Variants in AGMO observed in about 807,000 individuals in gnomAD.
AGMO encodes glyceryl-ether monooxygenase.
Under a neutral mutation model 60.2 loss-of-function variants are expected in AGMO, and 75 were observed. The ratio of observed to expected loss-of-function variants is 1.25; its 90% confidence interval spans 1.03 to 1.51. The LOEUF is 1.51. AGMO is among the 40% of genes most tolerant of loss of function. The probability of loss-of-function intolerance (pLI) is 0.00; values close to 1 mark genes in which losing one functional copy is unlikely to be tolerated. For synonymous variants in AGMO, 261 were observed against 177.1 expected (o/e 1.47, Z -3.76); for missense variants, 763 against 525.5 (o/e 1.45, Z -4.42).
chr7:15,336,612 T>A (rs532857334), intron 12 of AGMO, among the ~76,000 whole-genome samples: 1 of 152,092 alleles, frequency 6.6e-6, no homozygotes, highest in Non-Finnish European at 1.5e-5. Context: ...TGCCACCGAA[T>A]ATATTAATCA....
intron 12 of AGMO, among the ~76,000 whole-genome samples, chr7:15,330,752 T>TG (rs1653591177): frequency 6.6e-6 from 1 of 152,300 alleles, no homozygotes; most frequent in Non-Finnish European, 1.5e-5. Context: ...TATGCAGGTC[T>TG]GGGCTTGCTA....
chr7:15,229,338 G>A (rs1018637613), intron 12 of AGMO, among the ~76,000 whole-genome samples: 1 of 151,662 alleles, frequency 6.6e-6, no homozygotes, highest in Admixed American at 6.6e-5. Context: ...TACTACTAGG[G>A]ATAATATATT....
chr7:15,395,498 TATA>T (rs533945871), intron 5 of AGMO, among the ~76,000 whole-genome samples: 47 of 152,266 alleles, frequency 3.1e-4, no homozygotes, highest in Middle Eastern at 3.4e-3. Flanking sequence ...CATTGGGAGT[TATA>T]ATAACATTGT....
intron 12 of AGMO, among the ~76,000 whole-genome samples, chr7:15,318,423 A>G (rs1781006926): frequency 1.3e-5 from 2 of 152,136 alleles, no homozygotes; most frequent in Admixed American, 6.5e-5. Context: ...ACAGTGTATC[A>G]CTCAAAATGG....
At chr7:15,397,599 CCTT>C (rs1201465006) in intron 5 of AGMO, among the ~76,000 whole-genome samples, 1 of 152,218 alleles carries the variant, frequency 6.6e-6, no homozygotes, top group Admixed American at 6.5e-5. Context: ...TTTCTTCATT[CCTT>C]CTTCCTTTTC....
intron 12 of AGMO, among the ~76,000 whole-genome samples, chr7:15,328,754 AAG>A (rs1781419128): frequency 6.6e-6 from 1 of 152,220 alleles, no homozygotes; most frequent in Non-Finnish European, 1.5e-5. Flanking sequence ...ACCAATTTCC[AAG>A]AGTTTCCCAT....
intron 12 of AGMO, among the ~76,000 whole-genome samples, chr7:15,226,711 T>C (rs918820786): frequency 3.9e-5 from 6 of 152,116 alleles, no homozygotes; most frequent in African/African-American, 1.2e-4. Flanking sequence ...GCAAATCATT[T>C]TGGCACCCAA....
At chr7:15,120,863 G>T in the AGMO span, among the ~76,000 whole-genome samples, 1 of 151,906 alleles carries the variant, frequency 6.6e-6, no homozygotes, top group East Asian at 1.9e-4. Context: ...GTGCAGGTTT[G>T]TTACACAAGT....
chr7:15,495,385 T>C (rs556957033), intron 3 of AGMO, among the ~76,000 whole-genome samples: 1 of 152,302 alleles, frequency 6.6e-6, no homozygotes, highest in Non-Finnish European at 1.5e-5. Flanking sequence ...ATTCAGTCCA[T>C]GTGTTTCTGA....
chr7:15,192,349 G>A, the AGMO span, among the ~76,000 whole-genome samples: 1 of 152,106 alleles, frequency 6.6e-6, no homozygotes. Flanking sequence ...GCATGGCAGA[G>A]AAGGAGAGAA....
chr7:15,118,766 T>C, the AGMO span, among the ~76,000 whole-genome samples: 1 of 151,952 alleles, frequency 6.6e-6, no homozygotes, highest in Admixed American at 6.6e-5. Flanking sequence ...AACCCTGGTT[T>C]TCCATTAGTA....
At chr7:15,364,817 A>G (rs928713251) in intron 12 of AGMO, among the ~76,000 whole-genome samples, 1 of 152,102 alleles carries the variant, frequency 6.6e-6, no homozygotes, top group Non-Finnish European at 1.5e-5. Flanking sequence ...ATGCTTAAAT[A>G]AAGTTATACA....
intron 5 of AGMO, among the ~76,000 whole-genome samples, chr7:15,414,056 G>T (rs1226973600): frequency 6.6e-6 from 1 of 151,982 alleles, no homozygotes; most frequent in Non-Finnish European, 1.5e-5. Context: ...CACCCAGGCT[G>T]GAGTGCAGTG....
the AGMO span, among the ~76,000 whole-genome samples, chr7:15,129,616 G>GAATACAAACA: frequency 9.2e-4 from 140 of 152,174 alleles, no homozygotes; most frequent in African/African-American, 3.2e-3. Flanking sequence ...GCTCTCCTAG[G>GAATACAAACA]AATACAAACA....
chr7:15,426,981 A>T (rs900769785), intron 4 of AGMO, among the ~76,000 whole-genome samples: 38 of 152,162 alleles, frequency 2.5e-4, no homozygotes, highest in African/African-American at 9.2e-4. Flanking sequence ...AGTCTATTAT[A>T]TTCCTTTCTC....
chr7:15,292,883 G>A (rs930027844), intron 12 of AGMO, among the ~76,000 whole-genome samples: 6 of 148,408 alleles, frequency 4.0e-5, no homozygotes, highest in Non-Finnish European at 7.4e-5. Flanking sequence ...TCAACCTACC[G>A]AGTAGCTGGG....
chr7:15,348,003 C>T (rs1178602169), intron 12 of AGMO, among the ~76,000 whole-genome samples: 1 of 152,036 alleles, frequency 6.6e-6, no homozygotes, highest in East Asian at 1.9e-4. Context: ...AGCTCTTGAT[C>T]TCAAAGACAT....
intron 12 of AGMO, among the ~76,000 whole-genome samples, chr7:15,364,519 A>G (rs935973133): frequency 6.6e-6 from 1 of 152,018 alleles, no homozygotes; most frequent in African/African-American, 2.4e-5. Context: ...ATAGTCCTCC[A>G]TTCATGGCCT....
intron 5 of AGMO, among the ~76,000 whole-genome samples, chr7:15,408,787 G>A (rs574120011): frequency 6.6e-6 from 1 of 151,884 alleles, no homozygotes; most frequent in East Asian, 1.9e-4. Flanking sequence ...ACTTTGAGTG[G>A]GGACCATGGG....
Sources: allele counts gnomAD v4.1 joint callset (sites outside exome capture counted in the v4.1 genomes callset), GRCh38; gene constraint gnomAD v4.1.1; transcripts MANE v1.5; gene names NCBI Gene and HGNC (gene_info 2026-07-23, HGNC 2026-07-21).